The following ZFYVE9 variants were observed in gnomAD, a reference collection of about 807,000 sequenced individuals.
ZFYVE9 encodes zinc finger FYVE-type containing 9.
Under a neutral mutation model 126.7 loss-of-function variants are expected in ZFYVE9, and 43 were observed. That is an observed-to-expected ratio of 0.34 (90% CI 0.27 to 0.44). The LOEUF (loss-of-function observed/expected upper bound fraction) is 0.44. ZFYVE9 is among the 20% of genes least tolerant of loss of function. The pLI, the probability that ZFYVE9 is intolerant of heterozygous loss-of-function variation, is 1.00. For missense variants in ZFYVE9, 1,476 were observed against 1,697.0 expected, an observed-to-expected ratio of 0.87 and a Z score of 2.29; for synonymous variants, 521 against 597.4, an observed-to-expected ratio of 0.87 and a Z score of 1.87.
intron 13 of ZFYVE9, among the ~76,000 whole-genome samples, chr1:52,316,901 G>A (rs987503893): frequency 2.0e-5 from 3 of 152,174 alleles, no homozygotes; most frequent in Admixed American, 6.5e-5. Context: ...TTCATTTCCA[G>A]TGCACACAGA....
intron 2 of ZFYVE9, among the ~76,000 whole-genome samples, chr1:52,217,119 G>T (rs555327416): frequency 1.6e-4 from 25 of 152,320 alleles, no homozygotes; most frequent in Non-Finnish European, 3.2e-4. Flanking sequence ...GGTGCTGCTT[G>T]CACCTATTAC....
At chr1:52,163,058 C>T (rs1644477891) in intron 1 of ZFYVE9, 1 of 210,252 alleles carries the variant, frequency 4.8e-6, no homozygotes, top group Non-Finnish European at 9.3e-6. Flanking sequence ...TACTTCTCTT[C>T]ATTCTTGAGT....
intron 1 of ZFYVE9, among the ~76,000 whole-genome samples, chr1:52,151,726 A>G (rs1644358422): frequency 6.6e-6 from 1 of 152,044 alleles, no homozygotes; most frequent in South Asian, 2.1e-4. Context: ...CATGTTGGTC[A>G]GGCTGGTCTG....
At chr1:52,185,303 AAAAC>A (rs200957029) in intron 1 of ZFYVE9, among the ~76,000 whole-genome samples, 1,706 of 152,328 alleles carry the variant, frequency 0.011, 13 homozygotes, top group Non-Finnish European at 0.017. Context: ...AGAAGAGAAA[AAAAC>A]AGGTAGAAGC....
intron 1 of ZFYVE9, chr1:52,162,339 G>GACCACCTCCACTGCCGCCTTTGCC (rs1553120272): frequency 2.8e-5 from 11 of 388,792 alleles, no homozygotes; most frequent in South Asian, 2.1e-4. Context: ...CGACGTCTGT[G>GACCACCTCCACTGCCGCCTTTGCC]ACCACCTCCA....
intron 17 of ZFYVE9, among the ~76,000 whole-genome samples, chr1:52,343,227 A>T (rs1390425056): frequency 1.3e-5 from 2 of 151,848 alleles, no homozygotes; most frequent in African/African-American, 2.4e-5. Flanking sequence ...CGGCCGAGAC[A>T]AATTAATTAT....
At chr1:52,209,203 G>A (rs1178329711) in intron 1 of ZFYVE9, among the ~76,000 whole-genome samples, 1 of 152,138 alleles carries the variant, frequency 6.6e-6, no homozygotes, top group African/African-American at 2.4e-5. Flanking sequence ...TAGATCAGAA[G>A]GACTTAATGG....
At chr1:52,333,949 G>A (rs1011358673) in intron 14 of ZFYVE9, among the ~76,000 whole-genome samples, 4 of 152,126 alleles carry the variant, frequency 2.6e-5, no homozygotes, top group Admixed American at 6.6e-5. Flanking sequence ...AAAAGTTAGC[G>A]GGGCATGCTG....
rs377593334 is a variant in ZFYVE9 at position 52,332,932 on chromosome 1, C to T, written c.3589+14C>T. The T allele has an allele frequency of 3.7e-6, 6 of 1,613,922 alleles. No homozygotes were observed. Among genetic ancestry groups the T allele is most frequent in the East Asian group, 4.5e-5 (2 of 44,862 alleles). Reference sequence around the variant, plus strand: ...AGCCCAGAAAAGGTGAGCATTTGAGCTGGTTGAGATTATGATAATGGAAAA... The same window carrying T: ...AGCCCAGAAAAGGTGAGCATTTGAGTTGGTTGAGATTATGATAATGGAAAA... On this transcript the variant is annotated intron_variant, in intron 14 of 18. Coordinates refer to ENST00000287727, the MANE Select transcript of ZFYVE9 (RefSeq NM_004799.4).
At chr1:52,145,999 G>A (rs1001616461) in intron 1 of ZFYVE9, among the ~76,000 whole-genome samples, 8 of 147,290 alleles carry the variant, frequency 5.4e-5, no homozygotes, top group Non-Finnish European at 1.0e-4. Flanking sequence ...TGTATCTGTG[G>A]GTCCTCCCAG....
At chr1:52,258,525 G>A (rs897511385) in intron 4 of ZFYVE9, among the ~76,000 whole-genome samples, 3 of 151,540 alleles carry the variant, frequency 2.0e-5, no homozygotes, top group Non-Finnish European at 2.9e-5. Flanking sequence ...TGCCAAGAGT[G>A]CCCCTGTTGA....
chr1:52,284,119 A>C (rs958051013), intron 10 of ZFYVE9, among the ~76,000 whole-genome samples: 29 of 152,290 alleles, frequency 1.9e-4, no homozygotes, highest in African/African-American at 6.5e-4. Flanking sequence ...CACCATCTTG[A>C]TGAATAACAG....
intron 13 of ZFYVE9, among the ~76,000 whole-genome samples, chr1:52,307,918 A>AT (rs1403719466): frequency 2.6e-5 from 4 of 151,510 alleles, no homozygotes; most frequent in Non-Finnish European, 5.9e-5. Flanking sequence ...CGCCCGGCTA[A>AT]TTTTTTTGTA....
intron 1 of ZFYVE9, among the ~76,000 whole-genome samples, chr1:52,181,592 A>G (rs1009295394): frequency 6.9e-6 from 1 of 145,684 alleles, no homozygotes; most frequent in African/African-American, 2.6e-5. Context: ...CAGTCTGGAA[A>G]GTGAGGAGCG....
At chr1:52,205,419 C>G (rs1644969216) in intron 1 of ZFYVE9, among the ~76,000 whole-genome samples, 1 of 152,034 alleles carries the variant, frequency 6.6e-6, no homozygotes, top group East Asian at 1.9e-4. Context: ...GTTGCCGAGT[C>G]TGGAGTGCAG....
chr1:52,191,309 A>G (rs968247839), intron 1 of ZFYVE9, among the ~76,000 whole-genome samples: 1 of 152,234 alleles, frequency 6.6e-6, no homozygotes, highest in South Asian at 2.1e-4. Flanking sequence ...TTACTTTACA[A>G]ATGAGGGAAT....
At chr1:52,332,719 CAG>C in intron 13 of ZFYVE9, 47 bp from the exon 14 acceptor site, 1 of 1,588,410 alleles carries the variant, frequency 6.3e-7, no homozygotes, top group Non-Finnish European at 8.6e-7. Flanking sequence ...CCATGTCAGA[CAG>C]AAAAATGCCC....
At chr1:52,341,265 G>C (rs1272585651) in intron 17 of ZFYVE9, among the ~76,000 whole-genome samples, 1 of 152,170 alleles carries the variant, frequency 6.6e-6, no homozygotes, top group African/African-American at 2.4e-5. Flanking sequence ...TAATTAACTT[G>C]CTCAAGATTA....
intron 9 of ZFYVE9, among the ~76,000 whole-genome samples, chr1:52,280,275 G>A (rs1165261001): frequency 6.6e-6 from 1 of 150,592 alleles, no homozygotes. Context: ...AGCTACTCTC[G>A]AGGCTGAGGT....
Sources: gnomAD v4.1 joint callset for allele counts (sites outside exome capture counted in the v4.1 genomes callset) on GRCh38, gnomAD v4.1.1 for gene constraint, MANE v1.5 for transcripts, NCBI Gene and HGNC (gene_info 2026-07-23, HGNC 2026-07-21) for gene names.